SEPTIN7: variants seen among roughly 807,000 people sequenced by gnomAD.
SEPTIN7 encodes septin-7.
In SEPTIN7, 10 loss-of-function variants were observed where a neutral mutation model predicts 63.3. That is an observed-to-expected ratio of 0.16 (90% confidence interval 0.10 to 0.27). SEPTIN7 has a LOEUF of 0.27. Among genes scored for constraint, SEPTIN7 ranks in the 10% least tolerant of loss-of-function variants. SEPTIN7 has a pLI of 1.00. For missense variants in SEPTIN7, 310 were observed against 521.0 expected (o/e 0.59, Z 3.94); for synonymous variants, 131 against 165.3 (o/e 0.79, Z 1.59).
chr7:35,888,074 A>G (rs1464703202), intron 10 of SEPTIN7, among the ~76,000 whole-genome samples: 4 of 152,206 alleles, frequency 2.6e-5, no homozygotes, highest in Non-Finnish European at 4.4e-5. Flanking sequence ...AAACTATACA[A>G]ATATTTTCAG....
At chr7:35,802,008 A>C (rs944695766) in intron 1 of SEPTIN7, among the ~76,000 whole-genome samples, 3 of 152,076 alleles carry the variant, frequency 2.0e-5, no homozygotes, top group Non-Finnish European at 4.4e-5. Context: ...TTTGGGCTTA[A>C]TTTTTAGGAG....
chr7:35,802,219 C>A, intron 1 of SEPTIN7: 1 of 311,742 alleles, frequency 3.2e-6, no homozygotes, highest in South Asian at 2.8e-5. Flanking sequence ...GGAAAAAGAA[C>A]AGGCCATTTC....
intron 1 of SEPTIN7, among the ~76,000 whole-genome samples, chr7:35,821,071 T>A (rs1789380501): frequency 6.6e-6 from 1 of 151,920 alleles, no homozygotes; most frequent in Non-Finnish European, 1.5e-5. Context: ...GTTCTGTTTT[T>A]TTCCAGTTGC....
the SEPTIN7 span, among the ~76,000 whole-genome samples, chr7:35,913,381 CTTTT>C: frequency 6.6e-6 from 1 of 151,418 alleles, no homozygotes; most frequent in Non-Finnish European, 1.5e-5. Flanking sequence ...AAAATTCTTT[CTTTT>C]TATCTTTCTT....
At chr7:35,869,059 T>C (rs541620140) in intron 4 of SEPTIN7, among the ~76,000 whole-genome samples, 41 of 152,254 alleles carry the variant, frequency 2.7e-4, no homozygotes, top group African/African-American at 8.9e-4. Context: ...GTCATGAATT[T>C]TATGGTATAG....
At chr7:35,904,133 GTGAAAAAGTAGTATC>G (rs1788484854) in intron 13 of SEPTIN7, 106 bp from the exon 14 acceptor site, 1 of 592,134 alleles carries the variant, frequency 1.7e-6, no homozygotes, top group Admixed American at 4.1e-5. Flanking sequence ...ATTTTTTTCA[GTGAAAAAGTAGTATC>G]TGAAAATCCC....
At chr7:35,836,080 A>G (rs1455378138) in intron 3 of SEPTIN7, among the ~76,000 whole-genome samples, 1 of 152,162 alleles carries the variant, frequency 6.6e-6, no homozygotes, top group Non-Finnish European at 1.5e-5. Flanking sequence ...ACTAGCCAGG[A>G]TTTTGGAGAC....
chr7:35,865,783 T>A (rs1318870570), intron 4 of SEPTIN7, among the ~76,000 whole-genome samples: 1 of 152,190 alleles, frequency 6.6e-6, no homozygotes, highest in Non-Finnish European at 1.5e-5. Flanking sequence ...TAACTAATAA[T>A]CCCCTACATT....
At chr7:35,848,285 T>G (rs1784786308) in intron 3 of SEPTIN7, among the ~76,000 whole-genome samples, 2 of 152,204 alleles carry the variant, frequency 1.3e-5, no homozygotes, top group South Asian at 4.1e-4. Context: ...ATTTTTTTTT[T>G]GAGATGGAGT....
intron 3 of SEPTIN7, among the ~76,000 whole-genome samples, chr7:35,834,638 T>C (rs774179438): frequency 6.6e-6 from 1 of 152,142 alleles, no homozygotes; most frequent in African/African-American, 2.4e-5. Flanking sequence ...TAACTACATT[T>C]GAATAGATAT....
At chr7:35,907,628 C>G (rs1374926198), downstream of SEPTIN7, among the ~76,000 whole-genome samples, 1 of 152,096 alleles carries the variant, frequency 6.6e-6, no homozygotes, top group East Asian at 1.9e-4. Context: ...TTAAATATTA[C>G]GCCTTGCAAG....
rs912461952 is a variant in SEPTIN7, at chr7:35,801,118, G to T, written c.-92G>T. ...TAGCGTGCGTAAGCAAGGCAGCTAC[G>T]CCGGGCGGCTACGCTGCGGAATCGG... On this transcript the variant is annotated 5_prime_UTR_variant, in exon 1 of 14. Transcript: ENST00000350320. 4.1e-5 allele frequency: 44 copies of T among 1,077,756 alleles called. No homozygotes were observed. The South Asian group carries it at 5.6e-4, about 14-fold the overall frequency. 66.8% of individuals were successfully genotyped at this position (1,077,756 alleles called of 1,614,324 possible).
At chr7:35,867,541 G>T (rs1327400600) in intron 4 of SEPTIN7, among the ~76,000 whole-genome samples, 2 of 151,290 alleles carry the variant, frequency 1.3e-5, no homozygotes, top group East Asian at 3.9e-4. Context: ...GTAGAGATGG[G>T]GTTTTGCCTT....
intron 6 of SEPTIN7, among the ~76,000 whole-genome samples, chr7:35,877,115 T>A (rs1786519165): frequency 6.6e-6 from 1 of 151,904 alleles, no homozygotes; most frequent in Admixed American, 6.6e-5. Context: ...GTCAAAAAAA[T>A]AAATAAATAA....
chr7:35,900,595 A>C (rs1443603085), intron 12 of SEPTIN7: 3 of 152,262 alleles, frequency 2.0e-5, no homozygotes, highest in African/African-American at 7.2e-5. Flanking sequence ...GGGGAAAAAA[A>C]CAGGAATAAT....
intron 4 of SEPTIN7, among the ~76,000 whole-genome samples, chr7:35,870,806 CAG>C (rs1427413684): frequency 7.4e-6 from 1 of 135,400 alleles, no homozygotes; most frequent in East Asian, 2.1e-4. Flanking sequence ...GCCTGAGCAA[CAG>C]AGTGAGACCC....
rs150377007 is a variant in SEPTIN7, at chr7:35,837,791, G to A, written c.169+4891G>A. On this transcript the variant is annotated intron_variant, in intron 3 of 13. Coordinates refer to ENST00000350320, the MANE Select transcript of SEPTIN7 (RefSeq NM_001788.6). ...CTGTTGTCCAGGCTGGAGTGCAGTG[G>A]TGCAGTGTTGGTCCACTGCAACCTC... Among the ~76,000 whole-genome samples, 808 of 151,956 alleles carry A rather than the reference G, an allele frequency of 5.3e-3. 10 individuals are homozygous for A. Among genetic ancestry groups the A allele is most frequent in the African/African-American group, 0.019 (784 of 41,444 alleles).
chr7:35,859,611 T>C (rs1785396901), intron 3 of SEPTIN7, among the ~76,000 whole-genome samples: 1 of 152,194 alleles, frequency 6.6e-6, no homozygotes, highest in Non-Finnish European at 1.5e-5. Context: ...ACTATTATTA[T>C]AGAACTGTCT....
intron 10 of SEPTIN7, among the ~76,000 whole-genome samples, chr7:35,887,421 C>T (rs1156848897): frequency 6.6e-6 from 1 of 152,198 alleles, no homozygotes; most frequent in Admixed American, 6.5e-5. Flanking sequence ...ACGATCTTGG[C>T]TCGCTGCAGC....
Sources: gnomAD v4.1 joint callset for allele counts (sites outside exome capture counted in the v4.1 genomes callset) on GRCh38, gnomAD v4.1.1 for gene constraint, MANE v1.5 for transcripts, NCBI Gene and HGNC (gene_info 2026-07-23, HGNC 2026-07-21) for gene names.